The following PALLD variants were observed in gnomAD, a reference collection of about 807,000 sequenced individuals.
PALLD encodes the protein palladin, cytoskeletal associated protein.
Under a neutral mutation model 123.5 loss-of-function variants are expected in PALLD, and 61 were observed. That is an observed-to-expected ratio of 0.49 (90% CI 0.40 to 0.61). The LOEUF is 0.61. Among genes scored for constraint, PALLD ranks in the 20% least tolerant of loss-of-function variants. The pLI, the probability that PALLD is intolerant of heterozygous loss-of-function variation, is 0.00. For missense variants in PALLD, 1,273 were observed against 1,377.0 expected (o/e 0.92, Z 1.20); for synonymous variants, 465 against 496.4 (o/e 0.94, Z 0.84).
At position 168,557,568 on chromosome 4, in the gene PALLD, T is replaced by C. The variant is rs567699725; in HGVS notation, c.908+45156T>C. Among the ~76,000 whole-genome samples, 6 of 152,294 alleles carry C rather than the reference T, an allele frequency of 3.9e-5. No homozygotes were observed. In the South Asian group the frequency reaches 1.0e-3, roughly 26 times the overall value. ...TAGGACAACTCAAGAAGTAAACAAA[T>C]CATAATCAATTCCTCTTGTCCCCTA... On this transcript the variant is annotated intron_variant, in intron 2 of 21. Transcript: ENST00000505667.
chr4:168,855,773 C>CT (rs1464106973), intron 10 of PALLD, among the ~76,000 whole-genome samples: 1 of 152,202 alleles, frequency 6.6e-6, no homozygotes. Context: ...CAAAGGCATG[C>CT]TTGAACATTG....
rs1188744412 is a variant in PALLD at position 168,896,606 on chromosome 4, C to A, written c.2250+7C>A. On this transcript the variant is annotated splice_region_variant and intron_variant, in intron 13 of 21. Coordinates refer to ENST00000505667, the MANE Select transcript of PALLD (RefSeq NM_001166108.2). ...TCCTCTGGATGGTCAAAAGGTTAAGCTTTTCACCTTTCTTCTCCTTCCAGT... is the reference window on the plus strand; with the variant it reads ...TCCTCTGGATGGTCAAAAGGTTAAGATTTTCACCTTTCTTCTCCTTCCAGT... The A allele has an allele frequency of 2.7e-6, 4 of 1,466,022 alleles. No individual in the cohort carries two copies. Among genetic ancestry groups the A allele is most frequent in the Middle Eastern group, 1.7e-4 (1 of 5,844 alleles). 90.8% of individuals were successfully genotyped at this position (1,466,022 alleles called of 1,614,324 possible). A position where few individuals can be genotyped will look rare whatever the true frequency, so the allele number is the denominator to read the frequency against.
intron 10 of PALLD, among the ~76,000 whole-genome samples, chr4:168,756,905 G>A (rs1183344360): frequency 6.6e-6 from 1 of 152,182 alleles, no homozygotes; most frequent in Non-Finnish European, 1.5e-5. Context: ...AGCATTAGAG[G>A]CCGAAGGTGA....
At chr4:168,642,023 C>T (rs1182369868) in intron 2 of PALLD, among the ~76,000 whole-genome samples, 6 of 152,188 alleles carry the variant, frequency 3.9e-5, no homozygotes, top group African/African-American at 1.2e-4. Context: ...GTTGTGTCTT[C>T]GTCTCCTTTC....
intron 2 of PALLD, among the ~76,000 whole-genome samples, chr4:168,578,140 A>G (rs1005238114): frequency 2.0e-5 from 3 of 152,106 alleles, no homozygotes. Context: ...TTTGTTCTAC[A>G]TTATCTTCTA....
chr4:168,704,664 C>CAA (rs35183478), intron 8 of PALLD, among the ~76,000 whole-genome samples: 28 of 81,308 alleles, frequency 3.4e-4, no homozygotes, highest in Non-Finnish European at 4.0e-4. Flanking sequence ...GACTCTGTCT[C>CAA]AAAAAAAAAA....
intron 2 of PALLD, among the ~76,000 whole-genome samples, chr4:168,638,350 T>C (rs1266625525): frequency 6.6e-6 from 1 of 152,180 alleles, no homozygotes; most frequent in East Asian, 1.9e-4. Context: ...TTCAGGGCTC[T>C]GAAGAACTGG....
intron 10 of PALLD, chr4:168,885,532 A>C (rs954379498): frequency 6.6e-6 from 1 of 152,208 alleles, no homozygotes; most frequent in African/African-American, 2.4e-5. Flanking sequence ...CGTTGTAAAT[A>C]ATTGCCCACT....
intron 8 of PALLD, among the ~76,000 whole-genome samples, chr4:168,693,137 A>G (rs538989806): frequency 6.9e-6 from 1 of 145,970 alleles, no homozygotes; most frequent in Non-Finnish European, 1.5e-5. Context: ...CCCTACATAC[A>G]CTCCTTCTGT....
At chr4:168,571,033 C>A (rs1022967564) in intron 2 of PALLD, among the ~76,000 whole-genome samples, 3 of 152,086 alleles carry the variant, frequency 2.0e-5, no homozygotes, top group African/African-American at 7.2e-5. Context: ...GAGCTTATTT[C>A]TTTGGCTCTC....
intron 2 of PALLD, among the ~76,000 whole-genome samples, chr4:168,633,305 G>C (rs908370610): frequency 6.6e-6 from 1 of 152,162 alleles, no homozygotes; most frequent in Non-Finnish European, 1.5e-5. Flanking sequence ...TCCCCCCGCG[G>C]TTGTTATAGG....
chr4:168,735,809 C>T (rs1352815423), intron 10 of PALLD, among the ~76,000 whole-genome samples: 4 of 152,090 alleles, frequency 2.6e-5, no homozygotes, highest in African/African-American at 7.2e-5. Flanking sequence ...AGTCTGTCTT[C>T]TGAACAAGCG....
intron 10 of PALLD, among the ~76,000 whole-genome samples, chr4:168,853,483 G>A (rs544461884): frequency 2.6e-5 from 4 of 152,008 alleles, no homozygotes; most frequent in Non-Finnish European, 4.4e-5. Context: ...CAGATGCTGC[G>A]AAAAAAATGT....
At chr4:168,553,638 C>T (rs1766971440) in intron 2 of PALLD, among the ~76,000 whole-genome samples, 1 of 152,156 alleles carries the variant, frequency 6.6e-6, no homozygotes, top group Non-Finnish European at 1.5e-5. Context: ...GATTCTTAAT[C>T]TGTACTTCAA....
At chr4:168,508,328 T>C (rs1387610089) in intron 1 of PALLD, among the ~76,000 whole-genome samples, 1 of 152,202 alleles carries the variant, frequency 6.6e-6, no homozygotes, top group African/African-American at 2.4e-5. Flanking sequence ...TATATAAGCT[T>C]ATTATTTAGT....
intron 2 of PALLD, among the ~76,000 whole-genome samples, chr4:168,528,578 C>T (rs111397812): frequency 6.6e-4 from 100 of 152,268 alleles, no homozygotes; most frequent in Middle Eastern, 3.4e-3. Context: ...TCTGTTATTA[C>T]GTGTTTTAGA....
At chr4:168,807,431 C>T (rs751904481) in intron 10 of PALLD, among the ~76,000 whole-genome samples, 2 of 152,100 alleles carry the variant, frequency 1.3e-5, no homozygotes, top group African/African-American at 4.8e-5. Context: ...GTTTTTGAGA[C>T]GGAGTTTCAC....
intron 10 of PALLD, among the ~76,000 whole-genome samples, chr4:168,765,319 G>A (rs1246361541): frequency 6.6e-6 from 1 of 152,164 alleles, no homozygotes; most frequent in African/African-American, 2.4e-5. Flanking sequence ...TAAATAATGA[G>A]TAGCCATCTT....
At chr4:168,818,517 G>C (rs563966970) in intron 10 of PALLD, among the ~76,000 whole-genome samples, 1 of 152,050 alleles carries the variant, frequency 6.6e-6, no homozygotes, top group South Asian at 2.1e-4. Flanking sequence ...GGCCCAGGAG[G>C]TCAAGACTGT....
Sources: allele counts gnomAD v4.1 joint callset (sites outside exome capture counted in the v4.1 genomes callset), GRCh38; gene constraint gnomAD v4.1.1; transcripts MANE v1.5; gene names NCBI Gene and HGNC (gene_info 2026-07-23, HGNC 2026-07-21).